The following FAP variants were observed in gnomAD, a reference collection of about 807,000 sequenced individuals.
FAP encodes the protein prolyl endopeptidase FAP.
In FAP, 110 loss-of-function variants were observed where a neutral mutation model predicts 126.5. The observed-to-expected ratio is 0.87, with a 90% CI of 0.74 to 1.02. FAP has a LOEUF of 1.02. FAP is among the 50% of genes least tolerant of loss of function. The pLI, the probability that FAP is intolerant of heterozygous loss-of-function variation, is 0.00. For missense variants in FAP, 919 were observed against 909.2 expected, an observed-to-expected ratio of 1.01 and a Z score of -0.14; for synonymous variants, 334 against 297.3, an observed-to-expected ratio of 1.12 and a Z score of -1.27.
chr2:162,209,656 G>T, intron 12 of FAP: 1 of 262,920 alleles, frequency 3.8e-6, no homozygotes, highest in Non-Finnish European at 7.2e-6. Context: ...TTTGAACAAT[G>T]ATCTATATTG....
chr2:162,239,432 C>T (rs1029574127), intron 2 of FAP, among the ~76,000 whole-genome samples: 3 of 151,802 alleles, frequency 2.0e-5, no homozygotes, highest in African/African-American at 7.3e-5. Flanking sequence ...TTGCTTTTGC[C>T]CTAGAGCCAT....
chr2:162,237,009 A>G (rs1051205775), intron 2 of FAP, among the ~76,000 whole-genome samples: 16 of 152,232 alleles, frequency 1.1e-4, no homozygotes, highest in African/African-American at 3.9e-4. Flanking sequence ...TAATTTTGAT[A>G]CTAAATAATA....
At chr2:162,178,293 C>T (rs1445624040) in intron 21 of FAP, among the ~76,000 whole-genome samples, 3 of 152,150 alleles carry the variant, frequency 2.0e-5, no homozygotes, top group Non-Finnish European at 4.4e-5. Context: ...AAGCAAAACC[C>T]TCGCTGCTCT....
chr2:162,180,043 G>A (rs1050667444), intron 21 of FAP, among the ~76,000 whole-genome samples: 10 of 151,770 alleles, frequency 6.6e-5, no homozygotes, highest in Admixed American at 1.3e-4. Flanking sequence ...TCCTGACCTC[G>A]TGATCTGCCT....
chr2:162,243,409 C>G lies in FAP; in HGVS notation c.-82G>C. On this transcript the variant is annotated 5_prime_UTR_variant, in exon 1 of 26. Transcript: ENST00000188790. ...ATCTGTGAAAACCGTTGAAAAGGAC[C>G]AAGTCTGTCTTTGTAGTTGGAAGCT... 1.3e-6 allele frequency: 2 copies of G among 1,555,422 alleles called. No homozygotes were observed. Among genetic ancestry groups the G allele is most frequent in the Non-Finnish European group, 1.7e-6 (2 of 1,157,040 alleles).
At chr2:162,235,341 C>A (rs375438143) in intron 2 of FAP, among the ~76,000 whole-genome samples, 1 of 152,200 alleles carries the variant, frequency 6.6e-6, no homozygotes, top group Non-Finnish European at 1.5e-5. Context: ...CCTGCGGCTC[C>A]GGTGCGAGAT....
intron 21 of FAP, among the ~76,000 whole-genome samples, chr2:162,180,084 G>A (rs1429433682): frequency 6.6e-6 from 1 of 151,966 alleles, no homozygotes; most frequent in African/African-American, 2.4e-5. Context: ...TGGGATTACA[G>A]GCATGAGGCA....
chr2:162,203,005 T>G (rs1457796258), intron 13 of FAP, 36 bp downstream of exon 13: 1 of 1,586,476 alleles, frequency 6.3e-7, no homozygotes, highest in Non-Finnish European at 8.7e-7. Context: ...CTCAAGTGAA[T>G]GATCTTTGAG....
At chr2:162,209,546 A>G (rs549672744) in intron 12 of FAP, 2 of 160,216 alleles carry the variant, frequency 1.2e-5, no homozygotes, top group Non-Finnish European at 2.7e-5. Context: ...TAAGAGGTAG[A>G]TTGTCTTTAA....
chr2:162,230,762 T>TG (rs112853104), intron 2 of FAP, among the ~76,000 whole-genome samples: 3 of 152,060 alleles, frequency 2.0e-5, no homozygotes, highest in Admixed American at 1.3e-4. Context: ...TCCAAATCTC[T>TG]GGGGGGTGGG....
intron 16 of FAP, 45 bp from the exon 17 acceptor site, chr2:162,194,793 A>G: frequency 6.4e-7 from 1 of 1,572,554 alleles, no homozygotes; most frequent in Non-Finnish European, 8.8e-7. Context: ...TGTTAAAATA[A>G]CAATTCCTTT....
rs575614792 is a variant in FAP at position 162,198,606 on chromosome 2, C to A, written c.1402+151G>T. 23 of 1,007,908 alleles carry A rather than the reference C, an allele frequency of 2.3e-5. No individual in the cohort carries two copies. In the East Asian group the frequency reaches 3.7e-4, roughly 16 times the overall value. The allele number at this position is 1,007,908 out of a possible 1,614,324, so 62.4% of individuals were successfully genotyped here. A position where few individuals can be genotyped will look rare whatever the true frequency, so the allele number is the denominator to read the frequency against. ...GTAAAGATAATAATACCTTCCTATC[C>A]TCCTTTAATTTTTTTTCTATAAGCA... On this transcript the variant is annotated intron_variant, in intron 16 of 25. Coordinates refer to ENST00000188790, the MANE Select transcript of FAP (RefSeq NM_004460.5).
At chr2:162,205,079 G>A (rs532898599) in intron 12 of FAP, among the ~76,000 whole-genome samples, 11 of 152,248 alleles carry the variant, frequency 7.2e-5, no homozygotes, top group Middle Eastern at 3.4e-3. Flanking sequence ...TTGCTTCTGC[G>A]TTTGGCCTAT....
chr2:162,218,286 C>T, intron 8 of FAP, 146 bp from the exon 9 acceptor site: 1 of 526,306 alleles, frequency 1.9e-6, no homozygotes, highest in Non-Finnish European at 3.2e-6. Context: ...TAAAAAATTA[C>T]ATAATCTGAG....
chr2:162,219,973 CA>C, intron 6 of FAP, 48 bp from the exon 7 acceptor site: 3 of 1,272,340 alleles, frequency 2.4e-6, no homozygotes, highest in Non-Finnish European at 3.4e-6. Context: ...CTGTTTAATG[CA>C]AAAAAATAAT....
chr2:162,200,145 C>T (rs1001740560), intron 15 of FAP, among the ~76,000 whole-genome samples: 3 of 152,138 alleles, frequency 2.0e-5, no homozygotes, highest in African/African-American at 7.2e-5. Context: ...TGAATGTAAA[C>T]ACTAATATAG....
intron 19 of FAP, 62 bp downstream of exon 19, chr2:162,189,041 T>C: frequency 9.5e-7 from 1 of 1,047,228 alleles, no homozygotes; most frequent in Admixed American, 1.9e-5. Context: ...ATTTCATAAA[T>C]GTGTATTTCA....
intron 21 of FAP, 86 bp from the exon 22 acceptor site, chr2:162,175,052 G>A (rs765579930): frequency 9.0e-6 from 8 of 893,356 alleles, no homozygotes; most frequent in South Asian, 2.9e-5. Context: ...CTCACAATCC[G>A]GACTGAAGGG....
chr2:162,191,751 C>G (rs1450231996), intron 17 of FAP, among the ~76,000 whole-genome samples: 1 of 152,086 alleles, frequency 6.6e-6, no homozygotes, highest in Admixed American at 6.6e-5. Context: ...TTTTAATGAG[C>G]ATTTTCTGTG....
Sources: gnomAD v4.1 joint callset for allele counts (sites outside exome capture counted in the v4.1 genomes callset) on GRCh38, gnomAD v4.1.1 for gene constraint, MANE v1.5 for transcripts, NCBI Gene and HGNC (gene_info 2026-07-23, HGNC 2026-07-21) for gene names.